The following AGBL4 variants were observed in gnomAD, a reference collection of about 807,000 sequenced individuals.
AGBL4 encodes cytosolic carboxypeptidase 6.
Under a neutral mutation model 66.4 loss-of-function variants are expected in AGBL4, and 58 were observed. That is an observed-to-expected ratio of 0.87 (90% CI 0.71 to 1.09). The LOEUF (loss-of-function observed/expected upper bound fraction) is 1.09. Ranked by LOEUF, AGBL4 falls within the 50% of genes least tolerant of loss-of-function variation. AGBL4 has a pLI of 0.00. For synonymous variants in AGBL4, 234 were observed against 222.9 expected (o/e 1.05, Z -0.44); for missense variants, 579 against 631.0 (o/e 0.92, Z 0.88).
intron 3 of AGBL4, among the ~76,000 whole-genome samples, chr1:49,628,390 A>C (rs1219468250): frequency 1.3e-5 from 2 of 152,202 alleles, no homozygotes; most frequent in Non-Finnish European, 2.9e-5. Flanking sequence ...CAGAGCATAT[A>C]TGTATGGAAT....
chr1:49,100,443 G>A lies in AGBL4; in HGVS notation c.378-54643C>T, dbSNP rs115018046. Among the ~76,000 whole-genome samples the A allele has an allele frequency of 5.6e-3, 858 of 152,292 alleles. 8 individuals are homozygous for A. The highest frequency in any genetic ancestry group is 7.0e-3 in the Non-Finnish European group (475 of 68,026). ...CTCCCAGGAACTGGGGCAATATGTCGTCTTCAAAGGAGAATCTGGATGGTG... is the reference window on the plus strand; with the variant it reads ...CTCCCAGGAACTGGGGCAATATGTCATCTTCAAAGGAGAATCTGGATGGTG... On this transcript the variant is annotated intron_variant, in intron 4 of 13. Coordinates refer to ENST00000371839, the MANE Select transcript of AGBL4 (RefSeq NM_032785.4).
chr1:48,814,306 T>C (rs56396457), intron 6 of AGBL4, among the ~76,000 whole-genome samples: 10,607 of 152,160 alleles, frequency 0.07, 506 homozygotes, highest in East Asian at 0.17. Context: ...ATTCTGCTCA[T>C]TTGCTACTTT....
At chr1:49,121,410 G>A (rs540969639) in intron 4 of AGBL4, among the ~76,000 whole-genome samples, 1 of 152,078 alleles carries the variant, frequency 6.6e-6, no homozygotes, top group Non-Finnish European at 1.5e-5. Context: ...TGCCTTTTTT[G>A]TTGATGTTGA....
intron 5 of AGBL4, among the ~76,000 whole-genome samples, chr1:49,011,326 A>G (rs1662387730): frequency 6.6e-6 from 1 of 151,818 alleles, no homozygotes; most frequent in Non-Finnish European, 1.5e-5. Context: ...CAAAACCACA[A>G]TGAGATACCA....
intron 2 of AGBL4, among the ~76,000 whole-genome samples, chr1:49,773,307 C>T (rs1340925580): frequency 6.6e-6 from 1 of 152,070 alleles, no homozygotes; most frequent in Non-Finnish European, 1.5e-5. Context: ...TTCTTTAGGA[C>T]CTGTTACTGG....
chr1:48,959,712 A>G (rs1174775156), intron 5 of AGBL4, among the ~76,000 whole-genome samples: 1 of 152,222 alleles, frequency 6.6e-6, no homozygotes, highest in Non-Finnish European at 1.5e-5. Flanking sequence ...TCTAGAAAGA[A>G]TATTCTGGGT....
intron 5 of AGBL4, among the ~76,000 whole-genome samples, chr1:48,984,426 G>C (rs556765183): frequency 6.6e-6 from 1 of 150,710 alleles, no homozygotes; most frequent in South Asian, 2.2e-4. Context: ...CTGCACAGCA[G>C]GGCTTTGGCT....
chr1:49,935,264 G>A (rs1195196402), intron 1 of AGBL4, among the ~76,000 whole-genome samples: 5 of 152,232 alleles, frequency 3.3e-5, no homozygotes, highest in African/African-American at 7.2e-5. Context: ...ACTGCAAGGC[G>A]GCAGCAAGGC....
chr1:48,778,528 A>G lies in AGBL4; in HGVS notation c.634+88663T>C, dbSNP rs1468230822. 2.0e-5 allele frequency among the ~76,000 whole-genome samples: 3 copies of G among 152,222 alleles called. No individual in the cohort carries two copies. The East Asian group carries it at 5.8e-4, about 29-fold the overall frequency. On this transcript the variant is annotated intron_variant, in intron 6 of 13. Coordinates refer to ENST00000371839, the MANE Select transcript of AGBL4 (RefSeq NM_032785.4). ...GGTGTTGGACTCAATTAAATGTTAT[A>G]TTTTTAAAAATTCATCTTAATAAAC...
At chr1:49,230,634 T>C (rs1399801992) in intron 4 of AGBL4, among the ~76,000 whole-genome samples, 1 of 152,158 alleles carries the variant, frequency 6.6e-6, no homozygotes. Context: ...AAGAACTCTA[T>C]CCAGCACATA....
intron 3 of AGBL4, among the ~76,000 whole-genome samples, chr1:49,419,192 T>G (rs962776054): frequency 3.3e-5 from 5 of 152,192 alleles, no homozygotes; most frequent in Admixed American, 2.6e-4. Context: ...CCCAGATAAA[T>G]AGTGTATTGG....
intron 3 of AGBL4, among the ~76,000 whole-genome samples, chr1:49,293,315 A>G (rs1644579380): frequency 6.6e-6 from 1 of 152,204 alleles, no homozygotes; most frequent in African/African-American, 2.4e-5. Context: ...CATAGGATCC[A>G]AGCCAGTAGC....
At chr1:49,382,440 A>T (rs957224809) in intron 3 of AGBL4, among the ~76,000 whole-genome samples, 9 of 152,142 alleles carry the variant, frequency 5.9e-5, no homozygotes, top group East Asian at 5.8e-4. Context: ...GAGAAAAAAA[A>T]TTTTTTGACA....
intron 2 of AGBL4, among the ~76,000 whole-genome samples, chr1:49,849,791 G>T (rs546512286): frequency 3.3e-5 from 5 of 152,112 alleles, no homozygotes; most frequent in Non-Finnish European, 7.4e-5. Flanking sequence ...ACTGCAGTGG[G>T]GTTAAAGAAA....
At chr1:48,916,426 C>G (rs1337558435) in intron 5 of AGBL4, among the ~76,000 whole-genome samples, 1 of 152,180 alleles carries the variant, frequency 6.6e-6, no homozygotes, top group Non-Finnish European at 1.5e-5. Flanking sequence ...CTGGGGTACT[C>G]AGGCCCTGTG....
intron 3 of AGBL4, among the ~76,000 whole-genome samples, chr1:49,263,022 A>G (rs12133301): frequency 6.6e-6 from 1 of 152,156 alleles, no homozygotes; most frequent in Non-Finnish European, 1.5e-5. Flanking sequence ...GGATGAAACT[A>G]GAAATCATCA....
chr1:49,128,921 C>T (rs1480662388), intron 4 of AGBL4, among the ~76,000 whole-genome samples: 1 of 150,882 alleles, frequency 6.6e-6, no homozygotes, highest in Non-Finnish European at 1.5e-5. Flanking sequence ...TCAGAAAATG[C>T]AAAATAAAGC....
At chr1:48,839,481 A>T (rs986872811) in intron 6 of AGBL4, among the ~76,000 whole-genome samples, 1 of 152,148 alleles carries the variant, frequency 6.6e-6, no homozygotes, top group African/African-American at 2.4e-5. Flanking sequence ...GTACAGAAAG[A>T]CAAATGTCAC....
intron 4 of AGBL4, among the ~76,000 whole-genome samples, chr1:49,214,344 C>T (rs187503863): frequency 6.6e-6 from 1 of 152,108 alleles, no homozygotes. Context: ...AGAATTTTGT[C>T]CTAAGCATCC....
Sources: allele counts gnomAD v4.1 joint callset (sites outside exome capture counted in the v4.1 genomes callset), GRCh38; gene constraint gnomAD v4.1.1; transcripts MANE v1.5; gene names NCBI Gene and HGNC (gene_info 2026-07-23, HGNC 2026-07-21).